The following PGM2L1 variants were observed in gnomAD, a reference collection of about 807,000 sequenced individuals.
PGM2L1 encodes glucose 1,6-bisphosphate synthase.
In PGM2L1, 35 loss-of-function variants were observed where a neutral mutation model predicts 73.4. The observed-to-expected ratio is 0.48, with a 90% CI of 0.36 to 0.63. The LOEUF (loss-of-function observed/expected upper bound fraction) is 0.63, where lower values mean the gene tolerates loss of function less well. Among genes scored for constraint, PGM2L1 ranks in the 30% least tolerant of loss-of-function variants. The pLI, the probability that PGM2L1 is intolerant of heterozygous loss-of-function variation, is 0.00. For missense variants in PGM2L1, 570 were observed against 742.0 expected (o/e 0.77, Z 2.69); for synonymous variants, 225 against 253.8 (o/e 0.89, Z 1.08).
At position 74,397,931 on chromosome 11, in the gene PGM2L1, G is replaced by T. The variant is rs1249558330; in HGVS notation, c.111+120C>A. 13 of 1,376,496 alleles carry T rather than the reference G, an allele frequency of 9.4e-6. No individual in the cohort carries two copies. The East Asian group carries it at 3.3e-4, about 35-fold the overall frequency. The allele number at this position is 1,376,496 out of a possible 1,614,324, so 85.3% of individuals were successfully genotyped here. A position where few individuals can be genotyped will look rare whatever the true frequency, so the allele number is the denominator to read the frequency against. On this transcript the variant is annotated intron_variant, in intron 1 of 13. Coordinates refer to ENST00000298198, the MANE Select transcript of PGM2L1 (RefSeq NM_173582.6). The stretch of plus-strand genomic sequence containing the variant: ...GTGGGTGGCAACGCCCTGCTCCGCT[G>T]CCCCCCGCTCGGTGTCCCGAGCCAT...
At chr11:74,395,197 T>A (rs182525212) in intron 1 of PGM2L1, among the ~76,000 whole-genome samples, 56 of 152,282 alleles carry the variant, frequency 3.7e-4, no homozygotes, top group African/African-American at 1.2e-3. Context: ...CTGTTAAGGA[T>A]ACTTATTACT....
intron 5 of PGM2L1, chr11:74,355,325 G>C: frequency 1.4e-6 from 1 of 738,416 alleles, no homozygotes; most frequent in South Asian, 1.4e-5. Context: ...AGGCTGAGGT[G>C]GGTGGATCAC....
chr11:74,371,591 A>G (rs778993551), intron 3 of PGM2L1, 120 bp downstream of exon 3: 8 of 687,198 alleles, frequency 1.2e-5, no homozygotes, highest in Non-Finnish European at 2.0e-5. Context: ...AAATATTAGC[A>G]TGTGATCACA....
intron 3 of PGM2L1, 89 bp downstream of exon 3, chr11:74,371,622 G>A: frequency 9.7e-7 from 1 of 1,028,848 alleles, no homozygotes; most frequent in Non-Finnish European, 1.5e-6. Flanking sequence ...ACAGTCTACT[G>A]TTTCAGAAAT....
At chr11:74,346,587 C>T in intron 8 of PGM2L1, 145 bp downstream of exon 8, 1 of 582,324 alleles carries the variant, frequency 1.7e-6, no homozygotes, top group South Asian at 2.9e-5. Context: ...AAAGTATCAA[C>T]TTAGGTGGTT....
chr11:74,351,600 A>G (rs766754957), intron 5 of PGM2L1, 24 bp from the exon 6 acceptor site: 1 of 1,543,164 alleles, frequency 6.5e-7, no homozygotes, highest in Admixed American at 2.0e-5. Context: ...AAATATAACC[A>G]TAATTACTTA....
intron 1 of PGM2L1, among the ~76,000 whole-genome samples, chr11:74,388,674 T>G (rs1863048983): frequency 1.3e-5 from 2 of 152,340 alleles, no homozygotes; most frequent in East Asian, 3.9e-4. Context: ...CATATTATAG[T>G]CTTCATACTC....
intron 9 of PGM2L1, among the ~76,000 whole-genome samples, chr11:74,343,629 T>C (rs1862217306): frequency 6.6e-6 from 1 of 152,202 alleles, no homozygotes; most frequent in African/African-American, 2.4e-5. Flanking sequence ...CAGATTATAG[T>C]ACTAGGTGAT....
At chr11:74,337,773 G>A (rs1275488640) in intron 13 of PGM2L1, among the ~76,000 whole-genome samples, 1 of 152,074 alleles carries the variant, frequency 6.6e-6, no homozygotes, top group Non-Finnish European at 1.5e-5. Context: ...ATCTTTCCAA[G>A]AATAGAAATT....
intron 12 of PGM2L1, among the ~76,000 whole-genome samples, chr11:74,339,276 A>G (rs374460074): frequency 1.8e-4 from 28 of 152,334 alleles, no homozygotes; most frequent in African/African-American, 6.0e-4. Flanking sequence ...GGGTGCAGAA[A>G]GAACTCTATT....
At chr11:74,379,781 C>G (rs1476448957) in intron 1 of PGM2L1, among the ~76,000 whole-genome samples, 4 of 151,834 alleles carry the variant, frequency 2.6e-5, no homozygotes, top group Admixed American at 1.3e-4. Flanking sequence ...AAAAATTAGC[C>G]AGGTATGGTG....
chr11:74,330,454 GA>G lies in PGM2L1; in HGVS notation c.*6197del, dbSNP rs1232515830. ...CTGGTGTTTTTGTAGGGAAAAATGA[GA>G]AGATGTTGACAGAAACTGTTAAAAC... On this transcript the variant is annotated 3_prime_UTR_variant, in exon 14 of 14. Coordinates refer to ENST00000298198, the MANE Select transcript of PGM2L1 (RefSeq NM_173582.6). 5 of 152,614 alleles carry G rather than the reference GA, an allele frequency of 3.3e-5. No individual in the cohort carries two copies. Among genetic ancestry groups the G allele is most frequent in the African/African-American group, 1.2e-4 (5 of 41,438 alleles). 9.5% of individuals were successfully genotyped at this position (152,614 alleles called of 1,614,324 possible).
chr11:74,367,492 G>T (rs1862679005), intron 5 of PGM2L1, among the ~76,000 whole-genome samples: 1 of 152,198 alleles, frequency 6.6e-6, no homozygotes, highest in Admixed American at 6.5e-5. Context: ...TTTAGACATA[G>T]AATTTGTAGA....
chr11:74,382,641 G>A (rs1488852289), intron 1 of PGM2L1, among the ~76,000 whole-genome samples: 2 of 152,056 alleles, frequency 1.3e-5, no homozygotes, highest in African/African-American at 4.8e-5. Flanking sequence ...TGGGACTACA[G>A]GCATACACCA....
intron 6 of PGM2L1, 109 bp from the exon 7 acceptor site, chr11:74,347,446 C>T: frequency 2.1e-6 from 2 of 942,544 alleles, no homozygotes; most frequent in Non-Finnish European, 3.0e-6. Flanking sequence ...TGATTTAAGC[C>T]TTCAGCAGAG....
chr11:74,338,066 T>TA (rs1035663300), intron 13 of PGM2L1, among the ~76,000 whole-genome samples: 4 of 152,062 alleles, frequency 2.6e-5, no homozygotes, highest in African/African-American at 4.8e-5. Context: ...TGTTGGGCCA[T>TA]AAAAAACAAA....
rs970363393 is a variant in PGM2L1 at position 74,342,709 on chromosome 11, T to C, written c.1443-59A>G. On this transcript the variant is annotated intron_variant, in intron 11 of 13. Coordinates refer to ENST00000298198, the MANE Select transcript of PGM2L1 (RefSeq NM_173582.6). ...TCAGATAACTCTTTAAAAAAGCATA[T>C]ATTAAGGAAGATCAGCCTACTATGG... is the stretch of plus-strand genomic sequence containing the variant. The C allele has an allele frequency of 1.1e-5, 15 of 1,421,926 alleles. No homozygotes were observed. In the African/African-American group the frequency reaches 2.2e-4, roughly 21 times the overall value. 88.1% of individuals were successfully genotyped at this position (1,421,926 alleles called of 1,614,324 possible). A position where few individuals can be genotyped will look rare whatever the true frequency, so the allele number is the denominator to read the frequency against.
At chr11:74,345,793 T>G (rs1297957322) in intron 8 of PGM2L1, 144 bp from the exon 9 acceptor site, 2 of 720,332 alleles carry the variant, frequency 2.8e-6, no homozygotes, top group African/African-American at 1.8e-5. Context: ...TATTACTACT[T>G]CTTTTCTAAC....
chr11:74,369,898 C>T lies in PGM2L1; in HGVS notation c.471+1004G>A, dbSNP rs182605469. ...AGTAGCTGGGATTACAGGCGTGCAC[C>T]ACCACACCTGGCTAATTTTTGTATT... is the stretch of plus-strand genomic sequence containing the variant. On this transcript the variant is annotated intron_variant, in intron 4 of 13. Coordinates refer to ENST00000298198, the MANE Select transcript of PGM2L1 (RefSeq NM_173582.6). 6.8e-4 allele frequency among the ~76,000 whole-genome samples: 104 copies of T among 152,132 alleles called. 1 individual carries two copies. The East Asian group carries it at 9.1e-3, about 13-fold the overall frequency.
Sources: gnomAD v4.1 joint callset for allele counts (sites outside exome capture counted in the v4.1 genomes callset) on GRCh38, gnomAD v4.1.1 for gene constraint, MANE v1.5 for transcripts, NCBI Gene and HGNC (gene_info 2026-07-23, HGNC 2026-07-21) for gene names.